ATG7: variants seen among roughly 807,000 people sequenced by gnomAD.
The protein encoded by ATG7 is autophagy related 7.
A neutral mutation model predicts 82.4 loss-of-function variants in ATG7; 70 were observed. The observed-to-expected ratio is 0.85, with a 90% CI of 0.70 to 1.04. The LOEUF is 1.04. Ranked by LOEUF, ATG7 falls within the 50% of genes least tolerant of loss-of-function variation. The pLI, the probability that ATG7 is intolerant of heterozygous loss-of-function variation, is 0.00. For missense variants in ATG7, 792 were observed against 864.3 expected (o/e 0.92, Z 1.05); for synonymous variants, 287 against 313.0 (o/e 0.92, Z 0.88).
chr3:11,338,727 G>A (rs1009355714), intron 11 of ATG7, among the ~76,000 whole-genome samples: 12 of 152,172 alleles, frequency 7.9e-5, no homozygotes, highest in Non-Finnish European at 1.5e-4. Context: ...CGATTTAAAA[G>A]GGGGAAGGAC....
intron 20 of ATG7, among the ~76,000 whole-genome samples, chr3:11,427,733 T>G (rs2082492976): frequency 6.6e-6 from 1 of 151,560 alleles, no homozygotes; most frequent in Non-Finnish European, 1.5e-5. Flanking sequence ...GAGAATTGCT[T>G]GAATCCTGGA....
intron 12 of ATG7, 46 bp from the exon 13 acceptor site, chr3:11,342,089 T>G: frequency 6.4e-7 from 1 of 1,550,762 alleles, no homozygotes; most frequent in East Asian, 2.3e-5. Context: ...AGAACAAGAT[T>G]ATTGCATAAA....
At chr3:11,535,338 G>GT (rs1406025198) in intron 20 of ATG7, among the ~76,000 whole-genome samples, 5 of 152,200 alleles carry the variant, frequency 3.3e-5, no homozygotes, top group African/African-American at 1.2e-4. Flanking sequence ...GCCATCTCGT[G>GT]TTACTCATCT....
chr3:11,328,813 G>A (rs938530440), intron 9 of ATG7, among the ~76,000 whole-genome samples: 28 of 152,206 alleles, frequency 1.8e-4, no homozygotes, highest in African/African-American at 4.3e-4. Flanking sequence ...TAGGCCAGGC[G>A]CAGTGGCTCA....
intron 19 of ATG7, among the ~76,000 whole-genome samples, chr3:11,388,478 G>A (rs901636781): frequency 6.6e-6 from 1 of 151,192 alleles, no homozygotes; most frequent in African/African-American, 2.4e-5. Context: ...GCTCAGGCTG[G>A]AGTGCAGTGG....
chr3:11,422,769 T>TTTTTTTG lies in ATG7; in HGVS notation c.1957-4035_1957-4034insTTTTTTG, dbSNP rs1386943052. The stretch of plus-strand genomic sequence containing the variant: ...TTTTTTTTTTTTTTTTTTTTTTTTT[T>TTTTTTTG]GGAGACAGAGTCTCACTCCGTTGCC... On this transcript the variant is annotated intron_variant, in intron 19 of 20. Transcript: ENST00000693202. Among the ~76,000 whole-genome samples, 22 of 102,692 alleles carry TTTTTTTG rather than the reference T, an allele frequency of 2.1e-4. 5 individuals are homozygous for TTTTTTTG. Among genetic ancestry groups the TTTTTTTG allele is most frequent in the African/African-American group, 8.7e-4 (22 of 25,266 alleles). 67.4% of individuals were successfully genotyped at this position (102,692 alleles called of 152,430 possible). A position where few individuals can be genotyped will look rare whatever the true frequency, so the allele number is the denominator to read the frequency against.
intron 20 of ATG7, among the ~76,000 whole-genome samples, chr3:11,488,758 TG>T (rs1318860605): frequency 1.3e-5 from 2 of 152,354 alleles, no homozygotes; most frequent in African/African-American, 4.8e-5. Context: ...GAAGCCCACT[TG>T]ATCATGGTGG....
chr3:11,426,727 C>T, intron 19 of ATG7, 77 bp from the exon 20 acceptor site: 1 of 1,322,186 alleles, frequency 7.6e-7, no homozygotes, highest in Non-Finnish European at 1.0e-6. Context: ...TTGACAAGAG[C>T]TTGTTAGAAG....
At chr3:11,363,141 CAA>C (rs1199993835) in intron 17 of ATG7, 2 of 514,570 alleles carry the variant, frequency 3.9e-6, no homozygotes, top group Non-Finnish European at 3.5e-6. Flanking sequence ...TCTTTCCGGA[CAA>C]AGTCACTATG....
At chr3:11,302,347 G>C (rs940610930) in intron 5 of ATG7, among the ~76,000 whole-genome samples, 1 of 152,180 alleles carries the variant, frequency 6.6e-6, no homozygotes, top group East Asian at 1.9e-4. Flanking sequence ...TAATGAAAGT[G>C]CTTGGGACTT....
chr3:11,454,429 G>A (rs1054099286), intron 20 of ATG7, among the ~76,000 whole-genome samples: 2 of 152,204 alleles, frequency 1.3e-5, no homozygotes, highest in African/African-American at 2.4e-5. Flanking sequence ...GGAATTTGAC[G>A]GCATGAGTCT....
At chr3:11,459,623 CTCT>C (rs2086112523) in intron 20 of ATG7, among the ~76,000 whole-genome samples, 1 of 152,038 alleles carries the variant, frequency 6.6e-6, no homozygotes, top group African/African-American at 2.4e-5. Context: ...GGCTGCCTAG[CTCT>C]TCTTGTCTGA....
At chr3:11,445,887 T>A (rs2084500446) in intron 20 of ATG7, among the ~76,000 whole-genome samples, 1 of 152,180 alleles carries the variant, frequency 6.6e-6, no homozygotes, top group African/African-American at 2.4e-5. Context: ...ATTTTCCTGA[T>A]CACTGATGAT....
intron 4 of ATG7, chr3:11,299,158 G>A: frequency 1.7e-6 from 1 of 601,128 alleles, no homozygotes; most frequent in Non-Finnish European, 2.9e-6. Flanking sequence ...TATATTCTTG[G>A]CGAATGTCTC....
chr3:11,326,807 C>G (rs1950948032), intron 9 of ATG7, among the ~76,000 whole-genome samples: 1 of 152,144 alleles, frequency 6.6e-6, no homozygotes, highest in South Asian at 2.1e-4. Context: ...GGTGGAAGCC[C>G]TGGACTGGAA....
At chr3:11,558,303 G>GC (rs2072623888), downstream of ATG7, 2 of 594,862 alleles carry the variant, frequency 3.4e-6, no homozygotes, top group South Asian at 5.3e-5. Context: ...GGTAACTGAG[G>GC]CAGGAAGTAA....
chr3:11,509,714 G>A (rs576721839), intron 20 of ATG7, among the ~76,000 whole-genome samples: 1 of 152,048 alleles, frequency 6.6e-6, no homozygotes, highest in South Asian at 2.1e-4. Context: ...TCTGTTAATT[G>A]AATTCATTTT....
intron 20 of ATG7, among the ~76,000 whole-genome samples, chr3:11,509,962 C>CTATTTTTATCAGGGAAGCTTTCTAAGTTG (rs2091961814): frequency 4.6e-5 from 7 of 152,152 alleles, no homozygotes; most frequent in Admixed American, 4.6e-4. Context: ...TTGCCAATGG[C>CTATTTTTATCAGGGAAGCTTTCTAAGTTG]TATTTTTATC....
At chr3:11,474,877 G>T (rs982724839) in intron 20 of ATG7, among the ~76,000 whole-genome samples, 2 of 152,120 alleles carry the variant, frequency 1.3e-5, no homozygotes, top group Non-Finnish European at 2.9e-5. Flanking sequence ...GGGAGTGGGG[G>T]GCCGGAGCCA....
Sources: allele counts gnomAD v4.1 joint callset (sites outside exome capture counted in the v4.1 genomes callset), GRCh38; gene constraint gnomAD v4.1.1; transcripts MANE v1.5; gene names NCBI Gene and HGNC (gene_info 2026-07-23, HGNC 2026-07-21).